Variants in FHOD3 observed in about 807,000 individuals in gnomAD.
FHOD3 encodes formin homology 2 domain containing 3.
FHOD3 carries 90 observed loss-of-function variants against 173.0 expected under a neutral mutation model. The ratio of observed to expected loss-of-function variants is 0.52; its 90% CI spans 0.44 to 0.62. FHOD3 has a LOEUF of 0.62. Ranked by LOEUF, FHOD3 falls within the 20% of genes least tolerant of loss-of-function variation. FHOD3 has a pLI of 0.00. For missense variants in FHOD3, 1,945 were observed against 2,034.7 expected (o/e 0.96, Z 0.85); for synonymous variants, 828 against 823.0 (o/e 1.01, Z -0.10).
intron 10 of FHOD3, among the ~76,000 whole-genome samples, chr18:36,647,305 G>A (rs1324443536): frequency 1.3e-5 from 2 of 152,114 alleles, no homozygotes; most frequent in Non-Finnish European, 2.9e-5. Context: ...AAACTACTTG[G>A]ACACTTCAAA....
intron 10 of FHOD3, among the ~76,000 whole-genome samples, chr18:36,630,410 G>A (rs952106632): frequency 1.3e-5 from 2 of 152,100 alleles, no homozygotes; most frequent in Non-Finnish European, 2.9e-5. Context: ...AAAGTTTCAC[G>A]CTTCAAATTC....
intron 3 of FHOD3, among the ~76,000 whole-genome samples, chr18:36,482,730 T>G (rs995241006): frequency 6.6e-6 from 1 of 152,004 alleles, no homozygotes; most frequent in African/African-American, 2.4e-5. Context: ...TGAGAGCAAG[T>G]CTTTTATCTT....
chr18:36,525,958 T>C (rs1191403116), intron 5 of FHOD3, among the ~76,000 whole-genome samples: 1 of 152,244 alleles, frequency 6.6e-6, no homozygotes, highest in Non-Finnish European at 1.5e-5. Context: ...TTTATCAAGA[T>C]TGGGCTGAGT....
intron 3 of FHOD3, among the ~76,000 whole-genome samples, chr18:36,382,700 T>G (rs182270093): frequency 4.6e-5 from 7 of 152,338 alleles, no homozygotes; most frequent in Non-Finnish European, 1.0e-4. Flanking sequence ...TCTCAGACTT[T>G]CCAATGAATC....
intron 7 of FHOD3, among the ~76,000 whole-genome samples, chr18:36,599,533 G>A (rs1453266438): frequency 6.6e-6 from 1 of 152,230 alleles, no homozygotes; most frequent in Non-Finnish European, 1.5e-5. Context: ...CACATTGAGT[G>A]TGTTTATGTA....
At chr18:36,528,602 G>A (rs919523628) in intron 5 of FHOD3, among the ~76,000 whole-genome samples, 2 of 152,090 alleles carry the variant, frequency 1.3e-5, no homozygotes, top group Admixed American at 6.5e-5. Context: ...TTCCCTTTTG[G>A]CATCAGATAA....
At chr18:36,516,121 T>C (rs2055959788) in intron 5 of FHOD3, among the ~76,000 whole-genome samples, 1 of 152,238 alleles carries the variant, frequency 6.6e-6, no homozygotes, top group Non-Finnish European at 1.5e-5. Context: ...GTAGGCTTTT[T>C]TTTAAGGTTC....
At chr18:36,428,402 T>A (rs999103104) in intron 3 of FHOD3, among the ~76,000 whole-genome samples, 1 of 152,156 alleles carries the variant, frequency 6.6e-6, no homozygotes. Context: ...CCTTCCTCCA[T>A]CTTTGGAGGA....
At chr18:36,576,068 T>G (rs2058636942) in intron 5 of FHOD3, among the ~76,000 whole-genome samples, 1 of 152,232 alleles carries the variant, frequency 6.6e-6, no homozygotes, top group African/African-American at 2.4e-5. Flanking sequence ...TTTTGGAAAC[T>G]TCGTTTGTCC....
intron 27 of FHOD3, among the ~76,000 whole-genome samples, chr18:36,763,063 A>G (rs2042962555): frequency 6.7e-6 from 1 of 148,422 alleles, no homozygotes; most frequent in African/African-American, 2.5e-5. Flanking sequence ...GTTATATATA[A>G]TATGCGTATT....
At chr18:36,349,720 G>A (rs747970312) in intron 1 of FHOD3, among the ~76,000 whole-genome samples, 3 of 152,168 alleles carry the variant, frequency 2.0e-5, no homozygotes, top group East Asian at 1.9e-4. Context: ...AAATCGAGAC[G>A]TGACATCAGC....
intron 1 of FHOD3, 101 bp downstream of exon 1, chr18:36,298,101 T>A: frequency 1.8e-6 from 2 of 1,116,692 alleles, no homozygotes; most frequent in South Asian, 2.1e-5. Context: ...TGGGCTGGGC[T>A]GGGCGCGGCC....
At chr18:36,345,046 T>C (rs1346517755) in intron 1 of FHOD3, among the ~76,000 whole-genome samples, 2 of 152,170 alleles carry the variant, frequency 1.3e-5, no homozygotes, top group Non-Finnish European at 2.9e-5. Flanking sequence ...AAATTCACAG[T>C]TGTATGCCTC....
chr18:36,434,832 C>T (rs1420036433), intron 3 of FHOD3, among the ~76,000 whole-genome samples: 1 of 151,784 alleles, frequency 6.6e-6, no homozygotes, highest in Admixed American at 6.6e-5. Context: ...ATTTAAATTT[C>T]CAAATTTTAT....
intron 1 of FHOD3, among the ~76,000 whole-genome samples, chr18:36,337,171 C>CAAA (rs772519016): frequency 1.6e-5 from 1 of 63,642 alleles, no homozygotes; most frequent in African/African-American, 6.0e-5. Flanking sequence ...GACTCTGTCT[C>CAAA]AAAAAAAAAA....
chr18:36,440,617 A>G (rs926378127), intron 3 of FHOD3, among the ~76,000 whole-genome samples: 1 of 152,144 alleles, frequency 6.6e-6, no homozygotes, highest in African/African-American at 2.4e-5. Flanking sequence ...CTGCTCCAGG[A>G]CTCTGAAGAT....
intron 7 of FHOD3, among the ~76,000 whole-genome samples, chr18:36,601,059 C>G (rs16967992): frequency 0.04 from 6,148 of 152,260 alleles, 382 homozygotes; most frequent in African/African-American, 0.13. Context: ...GTCTTGAGAG[C>G]TGAGATGGTT....
chr18:36,677,924 A>G (rs1253060271), intron 14 of FHOD3, among the ~76,000 whole-genome samples: 1 of 152,186 alleles, frequency 6.6e-6, no homozygotes, highest in African/African-American at 2.4e-5. Flanking sequence ...GGTCTTTCAT[A>G]TTATTAGTTA....
At chr18:36,690,801 G>C (rs1027098058) in intron 16 of FHOD3, among the ~76,000 whole-genome samples, 1 of 152,060 alleles carries the variant, frequency 6.6e-6, no homozygotes, top group African/African-American at 2.4e-5. Flanking sequence ...CATTTTAAAT[G>C]TGTATTTCAG....
Sources: allele counts gnomAD v4.1 joint callset (sites outside exome capture counted in the v4.1 genomes callset), GRCh38; gene constraint gnomAD v4.1.1; transcripts MANE v1.5; gene names NCBI Gene and HGNC (gene_info 2026-07-23, HGNC 2026-07-21).